Variants in WBP2NL observed in about 807,000 individuals in gnomAD.
The protein encoded by WBP2NL is postacrosomal sheath WW domain-binding protein.
A neutral mutation model predicts 23.3 loss-of-function variants in WBP2NL; 27 were observed. The ratio of observed to expected loss-of-function variants is 1.16; its 90% CI spans 0.85 to 1.60. The LOEUF (loss-of-function observed/expected upper bound fraction) is 1.60. WBP2NL is among the 40% of genes most tolerant of loss of function. The probability of loss-of-function intolerance (pLI) is 0.00; values close to 1 mark genes in which losing one functional copy is unlikely to be tolerated. For synonymous variants in WBP2NL, 151 were observed against 145.9 expected (o/e 1.03, Z -0.25); for missense variants, 370 against 389.5 (o/e 0.95, Z 0.42).
intron 8 of WBP2NL, among the ~76,000 whole-genome samples, chr22:42,047,269 C>CAAA (rs140516534): frequency 1.4e-4 from 14 of 101,470 alleles, no homozygotes; most frequent in East Asian, 5.8e-4. Context: ...TTTTCAAGCT[C>CAAA]AAAAAAAAAA....
intron 8 of WBP2NL, among the ~76,000 whole-genome samples, chr22:42,053,944 TTTTAAC>T (rs1925935285): frequency 6.6e-6 from 1 of 152,164 alleles, no homozygotes; most frequent in South Asian, 2.1e-4. Context: ...GCGAGTTGTC[TTTTAAC>T]TTTGTTTATT....
downstream of WBP2NL, chr22:42,030,631 C>G (rs1924878875): frequency 6.6e-6 from 1 of 152,204 alleles, no homozygotes; most frequent in Admixed American, 6.5e-5. Flanking sequence ...AAACATGGGT[C>G]ATAGGATCTG....
chr22:42,010,363 C>T (rs548181567), intron 1 of WBP2NL, among the ~76,000 whole-genome samples: 1 of 152,258 alleles, frequency 6.6e-6, no homozygotes, highest in South Asian at 2.1e-4. Flanking sequence ...GTGGTGAAAG[C>T]AGGCATCCTT....
intron 8 of WBP2NL, among the ~76,000 whole-genome samples, chr22:42,051,441 CATT>C (rs768128120): frequency 6.6e-6 from 1 of 152,140 alleles, no homozygotes; most frequent in African/African-American, 2.4e-5. Context: ...CCTCATGACA[CATT>C]AGTGAAAACC....
At chr22:42,039,929 G>A (rs1052881150) in intron 8 of WBP2NL, among the ~76,000 whole-genome samples, 3 of 137,634 alleles carry the variant, frequency 2.2e-5, no homozygotes, top group East Asian at 2.0e-4. Flanking sequence ...TTTTTTCCTC[G>A]AGATGAAGTC....
At chr22:42,004,643 G>A (rs1922033955) in intron 1 of WBP2NL, among the ~76,000 whole-genome samples, 1 of 152,132 alleles carries the variant, frequency 6.6e-6, no homozygotes, top group Non-Finnish European at 1.5e-5. Context: ...CGAAGCCTGG[G>A]CAGGGCACAG....
chr22:42,058,341 A>G (rs1037563255), exon 9 of WBP2NL: 12 of 152,116 alleles, frequency 7.9e-5, no homozygotes, highest in African/African-American at 2.9e-4. Flanking sequence ...AGATGAAATA[A>G]TGGTACACGT....
downstream of WBP2NL, among the ~76,000 whole-genome samples, chr22:42,035,901 T>C (rs1925164563): frequency 6.6e-6 from 1 of 152,200 alleles, no homozygotes; most frequent in Non-Finnish European, 1.5e-5. Context: ...AAAAGGGAGA[T>C]CATGCAGTAT....
chr22:42,049,971 C>T (rs1233673871), intron 8 of WBP2NL, among the ~76,000 whole-genome samples: 3 of 116,364 alleles, frequency 2.6e-5, no homozygotes, highest in Non-Finnish European at 5.3e-5. Flanking sequence ...AGCGAGACTC[C>T]GTCTCAAAAA....
intron 1 of WBP2NL, among the ~76,000 whole-genome samples, chr22:42,011,973 C>T (rs1479542428): frequency 2.6e-5 from 4 of 151,634 alleles, no homozygotes; most frequent in African/African-American, 7.3e-5. Flanking sequence ...GATGGGGTTT[C>T]GCCATGTTGG....
chr22:42,010,575 G>A lies in WBP2NL; in HGVS notation c.63-8736G>A, dbSNP rs1211118210. Among the ~76,000 whole-genome samples the A allele has an allele frequency of 1.3e-5, 2 of 151,684 alleles. 1 individual carries two copies. Among genetic ancestry groups the A allele is most frequent in the Non-Finnish European group, 2.9e-5 (2 of 67,944 alleles). On this transcript the variant is annotated intron_variant, in intron 1 of 5. Coordinates refer to ENST00000328823, the MANE Select transcript of WBP2NL (RefSeq NM_152613.3). ...TTTTTTTGAGACGGAGTCTCGCTCTGTTGCCCAGGCTGGAGTGCAGTGGCG... is the reference window on the plus strand; with the variant it reads ...TTTTTTTGAGACGGAGTCTCGCTCTATTGCCCAGGCTGGAGTGCAGTGGCG...
At chr22:42,029,457 C>T (rs1363385218), downstream of WBP2NL, among the ~76,000 whole-genome samples, 1 of 152,052 alleles carries the variant, frequency 6.6e-6, no homozygotes, top group Non-Finnish European at 1.5e-5. Context: ...CTGCAACCTC[C>T]ACCTCCCAGG....
chr22:42,004,194 C>T (rs983679486), intron 1 of WBP2NL, among the ~76,000 whole-genome samples: 6 of 152,158 alleles, frequency 3.9e-5, no homozygotes, highest in Non-Finnish European at 7.3e-5. Flanking sequence ...ATTGTGGGAA[C>T]CCAGGAGGTG....
chr22:42,025,273 A>T (rs1924375568), intron 5 of WBP2NL, among the ~76,000 whole-genome samples: 1 of 152,200 alleles, frequency 6.6e-6, no homozygotes, highest in Non-Finnish European at 1.5e-5. Context: ...AGCTTGTCCA[A>T]CCCATGGCCC....
chr22:42,019,355 G>A lies in WBP2NL; in HGVS notation c.107G>A (p.Arg36Gln), dbSNP rs182772392. ...SPNVELSFPQ[R>Q]SEGSNVFSGR... ...AATGTGGAGCTCTCCTTCCCACAGCGATCAGAAGGCTCAAATGTCTTTAGT... is the reference window on the plus strand; with the variant it reads ...AATGTGGAGCTCTCCTTCCCACAGCAATCAGAAGGCTCAAATGTCTTTAGT... The change falls in exon 2 of 6, where the codon CGA (arginine) becomes CAA (glutamine). Residue 36 changes from arginine to glutamine, a missense_variant. Physicochemically the swap from Arg to Gln is conservative, Grantham distance 43. Coordinates refer to ENST00000328823, the MANE Select transcript of WBP2NL (RefSeq NM_152613.3). 3.1e-6 allele frequency: 5 copies of A among 1,614,112 alleles called. No individual in the cohort carries two copies. Among genetic ancestry groups the A allele is most frequent in the East Asian group, 2.2e-5 (1 of 44,886 alleles).
intron 1 of WBP2NL, among the ~76,000 whole-genome samples, chr22:42,016,767 C>CA (rs1923346108): frequency 1.3e-5 from 2 of 152,116 alleles, no homozygotes; most frequent in African/African-American, 4.8e-5. Context: ...TGCACATTAC[C>CA]ACCCTAGTTC....
chr22:42,044,007 G>A (rs929500062), intron 8 of WBP2NL, among the ~76,000 whole-genome samples: 9 of 152,150 alleles, frequency 5.9e-5, no homozygotes, highest in African/African-American at 1.9e-4. Flanking sequence ...GATTACAGGC[G>A]TGAGCCACCT....
intron 4 of WBP2NL, among the ~76,000 whole-genome samples, chr22:42,021,749 G>T (rs186917456): frequency 2.6e-5 from 4 of 151,202 alleles, no homozygotes; most frequent in Non-Finnish European, 5.9e-5. Flanking sequence ...CTTAAGACAC[G>T]TGCCATTCAG....
intron 4 of WBP2NL, among the ~76,000 whole-genome samples, chr22:42,020,306 C>G (rs1923773996): frequency 6.6e-6 from 1 of 152,106 alleles, no homozygotes; most frequent in African/African-American, 2.4e-5. Flanking sequence ...TCCCGAAGTG[C>G]TGGGGTTACA....
Sources: gnomAD v4.1 joint callset for allele counts (sites outside exome capture counted in the v4.1 genomes callset) on GRCh38, gnomAD v4.1.1 for gene constraint, MANE v1.5 for transcripts, NCBI Gene and HGNC (gene_info 2026-07-23, HGNC 2026-07-21) for gene names.